Variants in KCNAB3 observed in about 807,000 individuals in gnomAD.
KCNAB3 encodes potassium voltage-gated channel subfamily A regulatory beta subunit 3.
KCNAB3 carries 62 observed loss-of-function variants against 67.7 expected under a neutral mutation model. That is an observed-to-expected ratio of 0.92 (90% CI 0.75 to 1.13). The LOEUF is 1.13. Ranked by LOEUF, KCNAB3 falls within the 50% of genes most tolerant of loss-of-function variation. The pLI is 0.00. For synonymous variants in KCNAB3, 212 were observed against 205.4 expected, an observed-to-expected ratio of 1.03 and a Z score of -0.27; for missense variants, 514 against 522.9, an observed-to-expected ratio of 0.98 and a Z score of 0.17.
chr17:7,929,388 G>A lies in KCNAB3; in HGVS notation c.48C>T (p.Ser16=). ...GGGGTCCACACAGACGGTCCTCACT[G>A]CTCCGGCTGCGAAGGTTCTGCTCGG... ...ACTEQNLRSR[S]SEDRLCGPRP... Residue 16 remains serine, a synonymous_variant, in exon 1 of 14, where the codon AGC becomes AGT. Transcript: ENST00000303790. The surrounding 1 kb of genome is among the most constrained non-coding windows in gnomAD (Gnocchi z 5.7). The A allele has an allele frequency of 1.3e-6, 2 of 1,548,652 alleles. No individual in the cohort carries two copies. The highest frequency in any genetic ancestry group is 1.7e-6 in the Non-Finnish European group (2 of 1,146,514).
Position 7,927,660 on chromosome 17 carries a change from A to C in KCNAB3, c.321T>G (p.Asp107Glu), listed in dbSNP as rs1362228494. ...TTCTAGGTCCGATAACTTATACCTC[A>C]TCTGAGATCTGAGAACCAAATGTGA... ...TWVTFGSQIS[D>E]ETAEDVLTVA... Residue 107 changes from aspartate (D) to glutamate (E), a missense_variant, in exon 3 of 14, where the codon GAT (aspartate) becomes GAG (glutamate). Physicochemically the swap from Asp to Glu is conservative, Grantham distance 45 (BLOSUM62 2). Transcript: ENST00000303790. 1.2e-6 allele frequency: 2 copies of C among 1,613,942 alleles called. No individual in the cohort carries two copies. Among genetic ancestry groups the C allele is most frequent in the African/African-American group, 1.3e-5 (1 of 74,894 alleles).
At position 7,925,812 on chromosome 17, in the gene KCNAB3, C is replaced by A. The variant is rs542069128; in HGVS notation, c.495-86G>T. 2.5e-6 allele frequency: 4 copies of A among 1,596,098 alleles called. No homozygotes were observed. The East Asian group carries it at 8.9e-5, about 36-fold the overall frequency. On this transcript the variant is annotated intron_variant, in intron 6 of 13. Coordinates refer to ENST00000303790, the MANE Select transcript of KCNAB3 (RefSeq NM_004732.4). Reference sequence around the variant, plus strand: ...GGAGCCATAAGGAAATGGGATTGCACGAGTCTTCACAGGCATGGTGCGGAC... The same window carrying A: ...GGAGCCATAAGGAAATGGGATTGCAAGAGTCTTCACAGGCATGGTGCGGAC...
chr17:7,925,009 G>T, intron 8 of KCNAB3, 88 bp downstream of exon 8: 2 of 1,227,756 alleles, frequency 1.6e-6, no homozygotes, highest in Non-Finnish European at 2.4e-6. Flanking sequence ...GCCTCCCAAC[G>T]TCCTGGGATT....
Position 7,923,485 on chromosome 17 carries a change from G to A in KCNAB3, c.1108C>T (p.Gln370Ter), listed in dbSNP as rs755051953. 1 of 1,612,354 alleles carries A rather than the reference G, an allele frequency of 6.2e-7. No homozygotes were observed. Among genetic ancestry groups the A allele is most frequent in the African/African-American group, 1.3e-5 (1 of 74,778 alleles). ...AGCGCGCCCAGGTGTTCTATCAACT[G>A]CTCCGCACTCGACACCCCCAGCAAG... Reference protein sequence around the residue: ...SVLLGVSSAEQLIEHLGALQV... With the variant: ...SVLLGVSSAE The change falls in exon 13 of 14, where the codon CAG (glutamine) becomes TAG (stop). Residue 370 changes from glutamine to a stop codon, truncating the protein, a stop_gained. Transcript: ENST00000303790. LOFTEE classifies it high-confidence loss of function.
Position 7,927,654 on chromosome 17 carries a change from T to C in KCNAB3, c.324+3A>G, listed in dbSNP as rs1433786860. ...CCCTGATTCTAGGTCCGATAACTTA[T>C]ACCTCATCTGAGATCTGAGAACCAA... On this transcript the variant is annotated splice_donor_region_variant and intron_variant, in intron 3 of 13. Coordinates refer to ENST00000303790, the MANE Select transcript of KCNAB3 (RefSeq NM_004732.4). 9.3e-6 allele frequency: 15 copies of C among 1,614,042 alleles called. No individual in the cohort carries two copies. The highest frequency in any genetic ancestry group is 1.3e-5 in the Non-Finnish European group (15 of 1,180,020).
At position 7,929,793 on chromosome 17, in the gene KCNAB3, A is replaced by G; in HGVS notation, c.-358T>C. The G allele has an allele frequency of 9.3e-7, 1 of 1,076,928 alleles. No homozygotes were observed. Among genetic ancestry groups the G allele is most frequent in the East Asian group, 8.0e-5 (1 of 12,458 alleles). 66.7% of individuals were successfully genotyped at this position (1,076,928 alleles called of 1,614,324 possible). On this transcript the variant is annotated 5_prime_UTR_variant, in exon 1 of 14. Coordinates refer to ENST00000303790, the MANE Select transcript of KCNAB3 (RefSeq NM_004732.4). The surrounding 1 kb of genome is among the most constrained non-coding windows in gnomAD (Gnocchi z 5.7). Reference sequence around the variant, plus strand: ...GGAAGCGGGGCGGGAGAGAGATGCCACTTCAGCGCGAACCGCTGCGGGACC... The same window carrying G: ...GGAAGCGGGGCGGGAGAGAGATGCCGCTTCAGCGCGAACCGCTGCGGGACC...
In KCNAB3 at chr17:7,929,017, G is replaced by C. The variant is rs1972332822; in HGVS notation, c.242+177C>G. The C allele has an allele frequency of 2.0e-6, 2 of 988,652 alleles. No individual in the cohort carries two copies. The highest frequency in any genetic ancestry group is 2.9e-6 in the Non-Finnish European group (2 of 684,588). The allele number at this position is 988,652 out of a possible 1,614,324, so 61.2% of individuals were successfully genotyped here. A position where few individuals can be genotyped will look rare whatever the true frequency, so the allele number is the denominator to read the frequency against. ...GTAAACTTGATTCTCGTAGTCAGGG[G>C]TATCGACAGAAACCAAGAGAGGGAC... On this transcript the variant is annotated intron_variant, in intron 1 of 13. Coordinates refer to ENST00000303790, the MANE Select transcript of KCNAB3 (RefSeq NM_004732.4). This position sits in a 1 kb window ranked among gnomAD's most constrained non-coding sequence, Gnocchi z 5.7.
rs368626433 is a variant in KCNAB3, at chr17:7,924,193, G to T, written c.784C>A (p.Gln262Lys). The change falls in exon 10 of 14, where the codon CAG becomes AAG. Residue 262 changes from glutamine to lysine, a missense_variant. Physicochemically the swap from Gln to Lys is moderately conservative, Grantham distance 53 (BLOSUM62 1). Transcript: ENST00000303790. ...VCEQAEHHLF[Q>K]REKVEMQLPE... ...AGCTGCATCTCCACCTTCTCCCTCT[G>T]AAACAGATGGTGCTCCGCTTGTTCA... is the stretch of plus-strand genomic sequence containing the variant. 2 of 1,614,126 alleles carry T rather than the reference G, an allele frequency of 1.2e-6. No homozygotes were observed. The highest frequency in any genetic ancestry group is 2.7e-5 in the African/African-American group (2 of 74,928).
intron 3 of KCNAB3, 65 bp downstream of exon 3, chr17:7,927,592 T>A (rs1036480592): frequency 2.3e-5 from 36 of 1,590,988 alleles, no homozygotes; most frequent in Non-Finnish European, 2.9e-5. Context: ...CCTATCCAGG[T>A]TCACTTCCCT....
In KCNAB3 at chr17:7,928,677, C is replaced by T. The variant is rs572931458; in HGVS notation, c.242+517G>A. 3.9e-5 allele frequency among the ~76,000 whole-genome samples: 6 copies of T among 152,324 alleles called. No individual in the cohort carries two copies. The South Asian group carries it at 8.3e-4, about 21-fold the overall frequency. ...ATTTCAGTCTACCCAGACCCTGTCC[C>T]TCAGCATGGAGATGAAAAATGTGGT... On this transcript the variant is annotated intron_variant, in intron 1 of 13. Coordinates refer to ENST00000303790, the MANE Select transcript of KCNAB3 (RefSeq NM_004732.4).
Position 7,922,817 on chromosome 17 carries a change from A to G in KCNAB3, c.*285T>C. The G allele has an allele frequency of 1.9e-6, 1 of 519,000 alleles. No individual in the cohort carries two copies. The highest frequency in any genetic ancestry group is 3.5e-6 in the Non-Finnish European group (1 of 285,458). The allele number at this position is 519,000 out of a possible 1,614,324, so 32.1% of individuals were successfully genotyped here. A position where few individuals can be genotyped will look rare whatever the true frequency, so the allele number is the denominator to read the frequency against. On this transcript the variant is annotated 3_prime_UTR_variant, in exon 14 of 14. Coordinates refer to ENST00000303790, the MANE Select transcript of KCNAB3 (RefSeq NM_004732.4). ...GGGGAGGAGAGTAGGGAGCGAGACG[A>G]AGTGGCAGAGAGCCGACGGCGAGTA...
intron 4 of KCNAB3, 96 bp downstream of exon 4, chr17:7,927,248 A>C (rs889629912): frequency 8.5e-7 from 1 of 1,175,774 alleles, no homozygotes; most frequent in African/African-American, 1.5e-5. Flanking sequence ...ACGTTCTCAG[A>C]AGTCCCAGGG....
intron 13 of KCNAB3, 111 bp from the exon 14 acceptor site, chr17:7,923,290 G>A: frequency 7.7e-7 from 1 of 1,296,610 alleles, no homozygotes; most frequent in Non-Finnish European, 1.1e-6. Flanking sequence ...GGCAAGGCAA[G>A]AGCCGCAGCT....
At position 7,929,820 on chromosome 17, in the gene KCNAB3, G is replaced by GAA; in HGVS notation, c.-386_-385insTT. The GAA allele has an allele frequency of 1.1e-5, 11 of 1,022,714 alleles. No homozygotes were observed. Among genetic ancestry groups the GAA allele is most frequent in the South Asian group, 7.4e-5 (2 of 27,034 alleles). The allele number at this position is 1,022,714 out of a possible 1,614,324, so 63.4% of individuals were successfully genotyped here. ...TTCAGCGCGAACCGCTGCGGGACCC[G>GAA]CTGGGCTCCCAGCCGCGTCGGCAGC... On this transcript the variant is annotated 5_prime_UTR_variant, in exon 1 of 14. Coordinates refer to ENST00000303790, the MANE Select transcript of KCNAB3 (RefSeq NM_004732.4). This position sits in a 1 kb window ranked among gnomAD's most constrained non-coding sequence, Gnocchi z 5.7.
chr17:7,924,745 G>T, intron 8 of KCNAB3: 1 of 1,285,548 alleles, frequency 7.8e-7, no homozygotes, highest in Non-Finnish European at 1.0e-6. Flanking sequence ...CTCAATTTTT[G>T]TATTTTAGAT....
Position 7,923,702 on chromosome 17 carries a change from A to G in KCNAB3, c.1048+9T>C, listed in dbSNP as rs61579947. On this transcript the variant is annotated intron_variant, in intron 12 of 13. Coordinates refer to ENST00000303790, the MANE Select transcript of KCNAB3 (RefSeq NM_004732.4). Reference sequence around the variant, plus strand: ...GGAGACAGGGCCCCTGCAGGGTGCAATGTCTCACCAATAGCAAGCTGGGCC... The same window carrying G: ...GGAGACAGGGCCCCTGCAGGGTGCAGTGTCTCACCAATAGCAAGCTGGGCC... The G allele has an allele frequency of 2.6e-4, 410 of 1,557,186 alleles. 1 individual carries two copies. The African/African-American group carries it at 4.7e-3, about 18-fold the overall frequency.
At position 7,923,133 on chromosome 17, in the gene KCNAB3, A is replaced by C; in HGVS notation, c.1184T>G (p.Leu395Arg). Residue 395 changes from leucine (L) to arginine (R), a missense_variant, in exon 14 of 14, where the codon CTC (leucine) becomes CGC (arginine). By Grantham distance (102) the Leu-to-Arg change is moderately radical. Coordinates refer to ENST00000303790, the MANE Select transcript of KCNAB3 (RefSeq NM_004732.4). ...TPQTVMEIDGLLGNKPHSKK is the reference protein window; with the variant it reads ...TPQTVMEIDGRLGNKPHSKK ...CTTGGAATGCGGCTTGTTTCCCAGG[A>C]GCCCGTCTATTTCCATCACTGTCTG... The C allele has an allele frequency of 6.2e-7, 1 of 1,614,148 alleles. No individual in the cohort carries two copies. Among genetic ancestry groups the C allele is most frequent in the African/African-American group, 1.3e-5 (1 of 75,038 alleles).
In KCNAB3 at chr17:7,929,832, G is replaced by GT; in HGVS notation, c.-398_-397insA. The GT allele has an allele frequency of 1.3e-5, 13 of 1,025,680 alleles. No individual in the cohort carries two copies. The highest frequency in any genetic ancestry group is 1.1e-4 in the Admixed American group (2 of 17,996). The allele number at this position is 1,025,680 out of a possible 1,614,324, so 63.5% of individuals were successfully genotyped here. A position where few individuals can be genotyped will look rare whatever the true frequency, so the allele number is the denominator to read the frequency against. On this transcript the variant is annotated 5_prime_UTR_variant, in exon 1 of 14. Transcript: ENST00000303790. The surrounding 1 kb of genome is among the most constrained non-coding windows in gnomAD (Gnocchi z 5.7). ...CGCTGCGGGACCCGCTGGGCTCCCA[G>GT]CCGCGTCGGCAGCGGGCCCAGCTCA...
rs1426651257 is a variant in KCNAB3 at position 7,924,691 on chromosome 17, CT to C, written c.626-192del. The C allele has an allele frequency of 6.6e-6, 9 of 1,364,196 alleles. 1 individual carries two copies. In the Admixed American group the frequency reaches 1.7e-4, roughly 26 times the overall value. 84.5% of individuals were successfully genotyped at this position (1,364,196 alleles called of 1,614,324 possible). A position where few individuals can be genotyped will look rare whatever the true frequency, so the allele number is the denominator to read the frequency against. ...GCCTCCACTGTGGAGTTTTGGAGGC[CT>C]TCTGAGCAGGGGCTGGCTTCCTGCT... On this transcript the variant is annotated intron_variant, in intron 8 of 13. Transcript: ENST00000303790.
Sources: allele counts gnomAD v4.1 joint callset (sites outside exome capture counted in the v4.1 genomes callset), GRCh38; gene constraint gnomAD v4.1.1; non-coding constraint Gnocchi (gnomAD v3.1); transcripts MANE v1.5; gene names NCBI Gene and HGNC (gene_info 2026-07-23, HGNC 2026-07-21).